The following NCKAP5 variants were observed in gnomAD, a reference collection of about 807,000 sequenced individuals.
NCKAP5 encodes nck-associated protein 5.
In NCKAP5, 92 loss-of-function variants were observed where a neutral mutation model predicts 167.0. The observed-to-expected ratio is 0.55, with a 90% confidence interval of 0.47 to 0.66. The LOEUF (loss-of-function observed/expected upper bound fraction) is 0.66, where lower values mean the gene tolerates loss of function less well. NCKAP5 is among the 30% of genes least tolerant of loss of function. The pLI, the probability that NCKAP5 is intolerant of heterozygous loss-of-function variation, is 0.00. For synonymous variants in NCKAP5, 891 were observed against 877.4 expected (o/e 1.02, Z -0.27); for missense variants, 2,378 against 2,315.0 (o/e 1.03, Z -0.56).
intron 3 of NCKAP5, among the ~76,000 whole-genome samples, chr2:133,486,536 A>G (rs1680922523): frequency 6.6e-6 from 1 of 152,194 alleles, no homozygotes; most frequent in Non-Finnish European, 1.5e-5. Flanking sequence ...GATTTAAAGT[A>G]GGAAAGCCCT....
At chr2:132,695,028 T>A (rs1355872488) in intron 19 of NCKAP5, among the ~76,000 whole-genome samples, 1 of 152,172 alleles carries the variant, frequency 6.6e-6, no homozygotes, top group East Asian at 1.9e-4. Flanking sequence ...TGGCTATGTC[T>A]TCACATGGTA....
Position 133,143,126 on chromosome 2 carries a change from T to C in NCKAP5, c.208-13015A>G, listed in dbSNP as rs547672658. On this transcript the variant is annotated intron_variant, in intron 5 of 19. Transcript: ENST00000409261. ...TTTTAACCAGGCCTTGAATGTTATG[T>C]ACATTGCTCCACAAATGTACATTTT... is the stretch of plus-strand genomic sequence containing the variant. 3.3e-5 allele frequency among the ~76,000 whole-genome samples: 5 copies of C among 152,246 alleles called. No individual in the cohort carries two copies. In the South Asian group the frequency reaches 1.0e-3, roughly 32 times the overall value.
In NCKAP5 at chr2:133,462,949, G is replaced by A. The variant is rs149847351; in HGVS notation, c.69+54509C>T. On this transcript the variant is annotated intron_variant, in intron 3 of 19. Transcript: ENST00000409261. Reference sequence around the variant, plus strand: ...GGTTTCACCTGTGAAACAGTTCTCTGCCACTGCTGACTTCACCGAATATCT... The same window carrying A: ...GGTTTCACCTGTGAAACAGTTCTCTACCACTGCTGACTTCACCGAATATCT... Among the ~76,000 whole-genome samples, 441 of 152,278 alleles carry A rather than the reference G, an allele frequency of 2.9e-3. 5 individuals are homozygous for A. Among genetic ancestry groups the A allele is most frequent in the African/African-American group, 9.7e-3 (405 of 41,548 alleles).
intron 3 of NCKAP5, among the ~76,000 whole-genome samples, chr2:133,398,064 A>G (rs1208211046): frequency 6.6e-6 from 1 of 152,060 alleles, no homozygotes; most frequent in Non-Finnish European, 1.5e-5. Context: ...ATTGCACGCT[A>G]CTCACAAGAG....
chr2:133,669,578 T>C, the NCKAP5 span, among the ~76,000 whole-genome samples: 197 of 152,332 alleles, frequency 1.3e-3, 1 homozygote, highest in Non-Finnish European at 2.4e-3. Flanking sequence ...ATTCTCAACT[T>C]ATTTTTTATT....
the NCKAP5 span, among the ~76,000 whole-genome samples, chr2:133,606,745 G>GA: frequency 7.2e-3 from 863 of 120,632 alleles, 5 homozygotes; most frequent in African/African-American, 0.016. Context: ...GGAGTTCAGG[G>GA]AAAAAAAAAA....
chr2:133,521,531 G>C (rs1171621243), intron 2 of NCKAP5, among the ~76,000 whole-genome samples: 1 of 152,198 alleles, frequency 6.6e-6, no homozygotes, highest in African/African-American at 2.4e-5. Context: ...TTTTCTCATA[G>C]TTCTGGAGGC....
At chr2:133,386,160 T>C (rs1686950823) in intron 3 of NCKAP5, among the ~76,000 whole-genome samples, 1 of 152,248 alleles carries the variant, frequency 6.6e-6, no homozygotes, top group Admixed American at 6.5e-5. Flanking sequence ...TTTTAGATCT[T>C]TCCGGCTTTC....
chr2:133,576,380 C>T, the NCKAP5 span, among the ~76,000 whole-genome samples: 10 of 152,280 alleles, frequency 6.6e-5, no homozygotes, highest in African/African-American at 2.4e-4. Flanking sequence ...GGCAGGTAAG[C>T]TTGAAGGGTA....
At chr2:132,884,388 C>T (rs999330087) in intron 8 of NCKAP5, among the ~76,000 whole-genome samples, 2 of 152,198 alleles carry the variant, frequency 1.3e-5, no homozygotes, top group African/African-American at 4.8e-5. Context: ...TCCGTCTCTG[C>T]AGCTGAGATG....
intron 4 of NCKAP5, among the ~76,000 whole-genome samples, chr2:133,274,781 T>C (rs2089659164): frequency 6.9e-6 from 1 of 145,202 alleles, no homozygotes; most frequent in Non-Finnish European, 1.6e-5. Context: ...TATGTGATAA[T>C]GGAAAAAAAA....
At chr2:133,553,000 T>C (rs1354353484) in intron 2 of NCKAP5, among the ~76,000 whole-genome samples, 1 of 152,194 alleles carries the variant, frequency 6.6e-6, no homozygotes, top group East Asian at 1.9e-4. Flanking sequence ...ACAAGATTCA[T>C]GCACATTAAA....
At chr2:132,732,713 T>C (rs1691147735) in intron 16 of NCKAP5, among the ~76,000 whole-genome samples, 1 of 152,172 alleles carries the variant, frequency 6.6e-6, no homozygotes, top group African/African-American at 2.4e-5. Context: ...TTAACTGAAA[T>C]AATGAGTAAT....
At chr2:133,339,883 A>T (rs1574742030) in intron 3 of NCKAP5, among the ~76,000 whole-genome samples, 1 of 152,208 alleles carries the variant, frequency 6.6e-6, no homozygotes, top group East Asian at 1.9e-4. Context: ...TTAAAAGAAC[A>T]TCAGTAGATA....
intron 6 of NCKAP5, among the ~76,000 whole-genome samples, chr2:133,020,351 G>T (rs886533475): frequency 2.6e-5 from 4 of 152,330 alleles, no homozygotes; most frequent in African/African-American, 9.6e-5. Flanking sequence ...GTGGTCAGCT[G>T]CAGGCAAGGC....
At chr2:133,547,977 T>C (rs1258567138) in intron 2 of NCKAP5, among the ~76,000 whole-genome samples, 19 of 146,550 alleles carry the variant, frequency 1.3e-4, no homozygotes, top group Non-Finnish European at 2.5e-4. Flanking sequence ...TTGAAAACTT[T>C]GAAAAAAATT....
At chr2:132,956,529 C>G (rs967384581) in intron 8 of NCKAP5, among the ~76,000 whole-genome samples, 2 of 152,204 alleles carry the variant, frequency 1.3e-5, no homozygotes, top group African/African-American at 4.8e-5. Context: ...TCATACTTCT[C>G]TCTCCCGCAT....
rs746168519 is a variant in NCKAP5, at chr2:132,731,868, C to T, written c.5312G>A (p.Arg1771His). 55 of 1,613,756 alleles carry T rather than the reference C, an allele frequency of 3.4e-5. No homozygotes were observed. The highest frequency in any genetic ancestry group is 1.4e-4 in the South Asian group (13 of 91,082). The change falls in exon 17 of 20, where the codon CGT (arginine) becomes CAT (histidine). Residue 1771 changes from arginine (R) to histidine (H), a missense_variant. Arg to His is a conservative substitution (Grantham distance 29). This residue lies in a region of NCKAP5 where 1,325 missense variants were observed against 1,274.5 expected (regional missense o/e 1.04). Transcript: ENST00000409261. ...VSSMRAQTLE[R>H]EVPSSTDGQR... The stretch of plus-strand genomic sequence containing the variant: ...GCCGTCTGTGGAGGAAGGCACTTCA[C>T]GTTCAAGGGTTTGGGCTCTCATGGA...
At chr2:133,516,682 G>T (rs982317224) in intron 3 of NCKAP5, among the ~76,000 whole-genome samples, 2 of 152,198 alleles carry the variant, frequency 1.3e-5, no homozygotes, top group African/African-American at 4.8e-5. Flanking sequence ...TCCAGGACAG[G>T]TGCTGAGCAT....
Sources: allele counts gnomAD v4.1 joint callset (sites outside exome capture counted in the v4.1 genomes callset), GRCh38; gene constraint gnomAD v4.1.1; regional missense constraint gnomAD v4.1.1; transcripts MANE v1.5; gene names NCBI Gene and HGNC (gene_info 2026-07-23, HGNC 2026-07-21).